The following AUH variants were observed in gnomAD, a reference collection of about 807,000 sequenced individuals.
AUH encodes methylglutaconyl-CoA hydratase, mitochondrial.
AUH carries 29 observed loss-of-function variants against 42.3 expected under a neutral mutation model. The observed-to-expected ratio is 0.69, with a 90% CI of 0.51 to 0.93. AUH has a LOEUF of 0.93. Ranked by LOEUF, AUH falls within the 40% of genes least tolerant of loss-of-function variation. AUH has a pLI of 0.00. For missense variants in AUH, 452 were observed against 438.1 expected (o/e 1.03, Z -0.28); for synonymous variants, 174 against 166.4 (o/e 1.05, Z -0.35).
chr9:91,292,924 C>T (rs1409517819), intron 6 of AUH, among the ~76,000 whole-genome samples: 1 of 152,126 alleles, frequency 6.6e-6, no homozygotes, highest in East Asian at 1.9e-4. Context: ...TACTTCATGT[C>T]TCTGTGCCAT....
intron 6 of AUH, among the ~76,000 whole-genome samples, chr9:91,267,148 T>C (rs1830018351): frequency 6.6e-6 from 1 of 152,192 alleles, no homozygotes; most frequent in Non-Finnish European, 1.5e-5. Flanking sequence ...CCCCAGCTAC[T>C]AATGTAAAAA....
At chr9:91,260,802 GTTATAGTTT>G (rs1829668859) in intron 6 of AUH, among the ~76,000 whole-genome samples, 1 of 152,086 alleles carries the variant, frequency 6.6e-6, no homozygotes, top group African/African-American at 2.4e-5. Flanking sequence ...GGCTCTGTTC[GTTATAGTTT>G]TTAGGTCTTT....
At chr9:91,306,433 C>T (rs1257731539) in intron 4 of AUH, 1 of 959,646 alleles carries the variant, frequency 1.0e-6, no homozygotes, top group African/African-American at 1.8e-5. Flanking sequence ...ACTTCTATTT[C>T]TGATAAAAAG....
chr9:91,251,211 C>CT (rs1291381372), intron 6 of AUH, among the ~76,000 whole-genome samples: 1 of 152,182 alleles, frequency 6.6e-6, no homozygotes, highest in Non-Finnish European at 1.5e-5. Flanking sequence ...TGCCAGTCCC[C>CT]TCTAGGTGCA....
intron 6 of AUH, among the ~76,000 whole-genome samples, chr9:91,234,170 A>G (rs1187106235): frequency 6.6e-6 from 1 of 152,168 alleles, no homozygotes; most frequent in Non-Finnish European, 1.5e-5. Flanking sequence ...TCTCCACTGT[A>G]TCAGCCTTGG....
At chr9:91,322,730 C>A (rs1042132808) in intron 4 of AUH, among the ~76,000 whole-genome samples, 3 of 152,142 alleles carry the variant, frequency 2.0e-5, no homozygotes, top group African/African-American at 7.2e-5. Flanking sequence ...AAGAATAACA[C>A]AAAACAAAAT....
intron 6 of AUH, among the ~76,000 whole-genome samples, chr9:91,276,308 G>A (rs1234860260): frequency 6.6e-6 from 1 of 151,634 alleles, no homozygotes; most frequent in Non-Finnish European, 1.5e-5. Flanking sequence ...GCGGACGCCT[G>A]TAATCCCAGC....
intron 6 of AUH, among the ~76,000 whole-genome samples, chr9:91,259,235 G>A (rs944000716): frequency 3.9e-5 from 6 of 152,186 alleles, no homozygotes; most frequent in African/African-American, 1.4e-4. Context: ...CTCATGTCAT[G>A]TTTTGGTAAT....
intron 6 of AUH, among the ~76,000 whole-genome samples, chr9:91,222,513 A>G (rs574329335): frequency 3.9e-5 from 6 of 152,236 alleles, no homozygotes; most frequent in African/African-American, 9.6e-5. Flanking sequence ...GTGAGTTTAT[A>G]TAAGTGTTTA....
At chr9:91,281,104 CT>C (rs1825930779) in intron 6 of AUH, among the ~76,000 whole-genome samples, 5 of 152,138 alleles carry the variant, frequency 3.3e-5, no homozygotes, top group African/African-American at 7.2e-5. Context: ...TTTTTCCCCC[CT>C]GAAATACACT....
chr9:91,281,732 T>C lies in AUH; in HGVS notation c.655+14289A>G, dbSNP rs79726895. ...GGTTTCTTTTATGTTACCCATCTAGTCTATCAAGAGATTCTTTTGGCTCCA... is the reference window on the plus strand; with the variant it reads ...GGTTTCTTTTATGTTACCCATCTAGCCTATCAAGAGATTCTTTTGGCTCCA... On this transcript the variant is annotated intron_variant, in intron 6 of 9. Coordinates refer to ENST00000375731, the MANE Select transcript of AUH (RefSeq NM_001698.3). Among the ~76,000 whole-genome samples the C allele has an allele frequency of 6.5e-3, 997 of 152,228 alleles. 10 individuals carry two copies. The highest frequency in any genetic ancestry group is 0.023 in the African/African-American group (935 of 41,548).
chr9:91,357,343 T>C (rs937453290), intron 1 of AUH: 2 of 261,030 alleles, frequency 7.7e-6, no homozygotes, highest in African/African-American at 4.6e-5. Flanking sequence ...GTGAAGTAAC[T>C]TCCTTCAGCT....
At chr9:91,259,847 G>A (rs1004000207) in intron 6 of AUH, among the ~76,000 whole-genome samples, 3 of 152,002 alleles carry the variant, frequency 2.0e-5, no homozygotes, top group Non-Finnish European at 4.4e-5. Context: ...ATTTTATTCT[G>A]ATAAATATTC....
chr9:91,298,931 A>G (rs1827563041), intron 4 of AUH, among the ~76,000 whole-genome samples: 1 of 152,186 alleles, frequency 6.6e-6, no homozygotes, highest in Non-Finnish European at 1.5e-5. Context: ...TTAAAAAGGT[A>G]ATATCGGCCG....
At chr9:91,281,248 C>T (rs369337256) in intron 6 of AUH, among the ~76,000 whole-genome samples, 38 of 152,316 alleles carry the variant, frequency 2.5e-4, no homozygotes, top group African/African-American at 8.9e-4. Flanking sequence ...ATAATAATTT[C>T]TATTGCTCTA....
intron 4 of AUH, among the ~76,000 whole-genome samples, chr9:91,323,301 C>T (rs925619029): frequency 6.6e-6 from 1 of 152,252 alleles, no homozygotes; most frequent in African/African-American, 2.4e-5. Flanking sequence ...AATTATCCAG[C>T]TGACATGATA....
At chr9:91,328,123 G>C (rs1182953503) in intron 3 of AUH, among the ~76,000 whole-genome samples, 1 of 152,202 alleles carries the variant, frequency 6.6e-6, no homozygotes, top group Admixed American at 6.5e-5. Flanking sequence ...GTAACATCAT[G>C]AGGGAGGCCA....
At chr9:91,344,907 T>A (rs1261104151) in intron 3 of AUH, among the ~76,000 whole-genome samples, 2 of 151,998 alleles carry the variant, frequency 1.3e-5, no homozygotes, top group Non-Finnish European at 2.9e-5. Flanking sequence ...TGTTAATAAT[T>A]GATAATCAAT....
chr9:91,323,768 A>C (rs1222153942), intron 4 of AUH, among the ~76,000 whole-genome samples: 2 of 152,152 alleles, frequency 1.3e-5, no homozygotes, highest in African/African-American at 4.8e-5. Context: ...TAAGACCAAG[A>C]AAAGTATAAA....
Sources: gnomAD v4.1 joint callset for allele counts (sites outside exome capture counted in the v4.1 genomes callset) on GRCh38, gnomAD v4.1.1 for gene constraint, MANE v1.5 for transcripts, NCBI Gene and HGNC (gene_info 2026-07-23, HGNC 2026-07-21) for gene names.